PPP4R3A: variants seen among roughly 807,000 people sequenced by gnomAD.
PPP4R3A encodes serine/threonine-protein phosphatase 4 regulatory subunit 3A.
In PPP4R3A, 15 loss-of-function variants were observed where a neutral mutation model predicts 91.7. The observed-to-expected ratio is 0.16, with a 90% CI of 0.11 to 0.25. The LOEUF (loss-of-function observed/expected upper bound fraction) is 0.25, where lower values mean the gene tolerates loss of function less well. Ranked by LOEUF, PPP4R3A falls within the 10% of genes least tolerant of loss-of-function variation. The pLI is 1.00. For synonymous variants in PPP4R3A, 377 were observed against 348.7 expected, an observed-to-expected ratio of 1.08 and a Z score of -0.91; for missense variants, 623 against 998.4, an observed-to-expected ratio of 0.62 and a Z score of 5.07.
chr14:91,507,216 G>A (rs1891352421), intron 1 of PPP4R3A, among the ~76,000 whole-genome samples: 1 of 151,246 alleles, frequency 6.6e-6, no homozygotes, highest in Non-Finnish European at 1.5e-5. Context: ...AGCTACTAAG[G>A]AGGCTGAGGT....
At position 91,461,600 on chromosome 14, in the gene PPP4R3A, T is replaced by G; in HGVS notation, c.2172A>C (p.Glu724Asp). The G allele has an allele frequency of 6.2e-7, 1 of 1,613,468 alleles. No individual in the cohort carries two copies. The highest frequency in any genetic ancestry group is 1.3e-5 in the African/African-American group (1 of 74,856). The change falls in exon 14 of 15, where the codon GAA (glutamate) becomes GAC (aspartate). Residue 724 changes from glutamate to aspartate, a missense_variant. Physicochemically the swap from Glu to Asp is conservative, Grantham distance 45. This residue lies in a region of PPP4R3A where 201 missense variants were observed against 229.9 expected (regional missense o/e 0.87). Coordinates refer to ENST00000554943, the MANE Select transcript of PPP4R3A (RefSeq NM_001366432.2). ...TCAGAAGCACTTCCTTTTCCTCACT[T>G]TCTTTTACTAAAAATGAGAATACTG... The part of the protein sequence containing the change: ...SKFMERKKLK[E>D]SEEKEVLLKT...
chr14:91,465,463 C>T (rs2140074106), intron 10 of PPP4R3A, 44 bp from the exon 11 acceptor site: 2 of 1,491,332 alleles, frequency 1.3e-6, no homozygotes, highest in East Asian at 2.4e-5. Flanking sequence ...TACCACTCTT[C>T]CATACTTTAG....
At chr14:91,464,547 T>C (rs932785813) in intron 11 of PPP4R3A, among the ~76,000 whole-genome samples, 1 of 152,090 alleles carries the variant, frequency 6.6e-6, no homozygotes, top group Non-Finnish European at 1.5e-5. Context: ...GAGGATCGTT[T>C]GAGCCCAGCT....
rs1221420323 is a variant in PPP4R3A at position 91,509,937 on chromosome 14, G to A, written c.-290C>T. On this transcript the variant is annotated 5_prime_UTR_variant, in exon 1 of 15. Transcript: ENST00000554943. ...GCCGCGCAGCGCTTCGTAGCCTCCC[G>A]CCCCGCAGCGCTAGGAACTCGGGGC... The A allele has an allele frequency of 5.8e-6, 6 of 1,031,644 alleles. No individual in the cohort carries two copies. The highest frequency in any genetic ancestry group is 4.6e-4 in the Middle Eastern group (1 of 2,176). The allele number at this position is 1,031,644 out of a possible 1,614,324, so 63.9% of individuals were successfully genotyped here. A position where few individuals can be genotyped will look rare whatever the true frequency, so the allele number is the denominator to read the frequency against.
chr14:91,469,029 A>G (rs918003147), intron 10 of PPP4R3A, among the ~76,000 whole-genome samples: 2 of 151,942 alleles, frequency 1.3e-5, no homozygotes, highest in African/African-American at 2.4e-5. Context: ...TAAGATAGTA[A>G]TCAAATCTAA....
In PPP4R3A at chr14:91,482,027, A is replaced by C; in HGVS notation, c.464T>G (p.Leu155Arg). ...TGCCAGTGCAAGTTTTTCACGACGA[A>C]GAGGTGAAGGTAAAGATGATGCCAC... Reference protein sequence around the residue: ...ELVASSLPSPLRREKLALALE... With the variant: ...ELVASSLPSPRRREKLALALE... Residue 155 changes from leucine to arginine, a missense_variant, in exon 4 of 15, where the codon CTT becomes CGT. By Grantham distance (102) the Leu-to-Arg change is moderately radical. Around this residue, in one of 5 missense-constraint regions of PPP4R3A, gnomAD observed 264 missense variants for 377.3 expected, o/e 0.70. Coordinates refer to ENST00000554943, the MANE Select transcript of PPP4R3A (RefSeq NM_001366432.2). 1 of 1,614,076 alleles carries C rather than the reference A, an allele frequency of 6.2e-7. No individual in the cohort carries two copies. Among genetic ancestry groups the C allele is most frequent in the Non-Finnish European group, 8.5e-7 (1 of 1,180,024 alleles).
At chr14:91,499,891 G>C (rs981833522) in intron 1 of PPP4R3A, among the ~76,000 whole-genome samples, 8 of 151,198 alleles carry the variant, frequency 5.3e-5, no homozygotes, top group Non-Finnish European at 1.0e-4. Flanking sequence ...TGAAATGTGA[G>C]GCCCTTTCTT....
intron 2 of PPP4R3A, among the ~76,000 whole-genome samples, chr14:91,488,695 T>C (rs1047551146): frequency 7.9e-5 from 12 of 151,960 alleles, no homozygotes; most frequent in African/African-American, 2.9e-4. Context: ...TAAGACAAAA[T>C]TAAAGTTATG....
intron 1 of PPP4R3A, among the ~76,000 whole-genome samples, chr14:91,500,135 C>G (rs1890849132): frequency 1.3e-5 from 2 of 152,218 alleles, no homozygotes; most frequent in African/African-American, 4.8e-5. Flanking sequence ...ACCTACCTCA[C>G]AGGGTTGCCA....
chr14:91,477,031 T>C lies in PPP4R3A; in HGVS notation c.916-45A>G, dbSNP rs1364693877. Reference sequence around the variant, plus strand: ...TGCAATTATGTTAATGCTAAGATTGTCCTAAAATATAATTTCAGGAATGCT... The same window carrying C: ...TGCAATTATGTTAATGCTAAGATTGCCCTAAAATATAATTTCAGGAATGCT... On this transcript the variant is annotated intron_variant, in intron 4 of 14. Coordinates refer to ENST00000554943, the MANE Select transcript of PPP4R3A (RefSeq NM_001366432.2). 4 of 1,442,794 alleles carry C rather than the reference T, an allele frequency of 2.8e-6. No individual in the cohort carries two copies. The Admixed American group carries it at 8.0e-5, about 29-fold the overall frequency. The allele number at this position is 1,442,794 out of a possible 1,614,324, so 89.4% of individuals were successfully genotyped here.
At position 91,462,778 on chromosome 14, in the gene PPP4R3A, A is replaced by G. The variant is rs764979244; in HGVS notation, c.1930T>C (p.Phe644Leu). ...TCTTGCCTTTCTCTTTGTTGTTCAA[A>G]TCTCAGTTTTAATCCTTTAAATGTC... is the stretch of plus-strand genomic sequence containing the variant. ...VQTFKGLKLRFEQQRERQDNP... is the reference protein window; with the variant it reads ...VQTFKGLKLRLEQQRERQDNP... The change falls in exon 12 of 15, where the codon TTT becomes CTT. Residue 644 changes from phenylalanine to leucine, a missense_variant. Coordinates refer to ENST00000554943, the MANE Select transcript of PPP4R3A (RefSeq NM_001366432.2). 1 of 1,613,608 alleles carries G rather than the reference A, an allele frequency of 6.2e-7. No individual in the cohort carries two copies. Among genetic ancestry groups the G allele is most frequent in the African/African-American group, 1.3e-5 (1 of 75,036 alleles).
At chr14:91,472,824 A>ACAAC (rs57949752) in intron 9 of PPP4R3A, among the ~76,000 whole-genome samples, 76,133 of 150,352 alleles carry the variant, frequency 0.51, 19,596 homozygotes, top group Admixed American at 0.54. Flanking sequence ...TTTGATAAAA[A>ACAAC]CAACCAACCA....
chr14:91,474,574 A>C (rs1889063454), intron 7 of PPP4R3A: 1 of 152,128 alleles, frequency 6.6e-6, no homozygotes, highest in Admixed American at 6.5e-5. Flanking sequence ...GGTTAATGGG[A>C]CCAACAATAG....
chr14:91,461,205 T>C (rs1016714640), intron 14 of PPP4R3A, among the ~76,000 whole-genome samples, 176 bp downstream of exon 14: 2 of 152,104 alleles, frequency 1.3e-5, no homozygotes, highest in Admixed American at 6.6e-5. Context: ...TAAAAAAAAC[T>C]TTCAGAAATT....
intron 1 of PPP4R3A, among the ~76,000 whole-genome samples, chr14:91,507,702 C>T (rs911618178): frequency 1.6e-4 from 9 of 57,540 alleles, no homozygotes; most frequent in Admixed American, 3.9e-4. Context: ...TCTGATAGTA[C>T]GACATTAAAC....
At chr14:91,507,358 GTATATATACTATAATTATA>G (rs1891373198) in intron 1 of PPP4R3A, among the ~76,000 whole-genome samples, 2 of 99,782 alleles carry the variant, frequency 2.0e-5, no homozygotes, top group East Asian at 5.5e-4. Context: ...ATACTATATA[GTATATATACTATAATTATA>G]TATACTATAT....
chr14:91,462,355 A>C, intron 12 of PPP4R3A, 116 bp from the exon 13 acceptor site: 1 of 1,083,242 alleles, frequency 9.2e-7, no homozygotes, highest in South Asian at 2.5e-5. Context: ...CAAATATTAA[A>C]GTATCAATGT....
At position 91,473,017 on chromosome 14, in the gene PPP4R3A, A is replaced by T; in HGVS notation, c.1501+16T>A. The stretch of plus-strand genomic sequence containing the variant: ...TCAAGAACAGAGAACTTAACTACCA[A>T]CCTGAATTATCTTACCTTTACTAGG... On this transcript the variant is annotated intron_variant, in intron 9 of 14. Transcript: ENST00000554943. 6.2e-7 allele frequency: 1 copy of T among 1,607,264 alleles called. No homozygotes were observed. Among genetic ancestry groups the T allele is most frequent in the Non-Finnish European group, 8.5e-7 (1 of 1,176,726 alleles).
chr14:91,491,900 G>A (rs368140462), intron 1 of PPP4R3A, among the ~76,000 whole-genome samples: 5 of 150,736 alleles, frequency 3.3e-5, no homozygotes, highest in East Asian at 3.9e-4. Context: ...TTGTACAGAC[G>A]GGGTCTCCCT....
Sources: allele counts gnomAD v4.1 joint callset (sites outside exome capture counted in the v4.1 genomes callset), GRCh38; gene constraint gnomAD v4.1.1; regional missense constraint gnomAD v4.1.1; transcripts MANE v1.5; gene names NCBI Gene and HGNC (gene_info 2026-07-23, HGNC 2026-07-21).